AUTS2: variants seen among roughly 807,000 people sequenced by gnomAD.
AUTS2 encodes activator of transcription and developmental regulator AUTS2, also known as autism susceptibility gene 2 protein.
In AUTS2, 17 loss-of-function variants were observed where a neutral mutation model predicts 112.4. The ratio of observed to expected loss-of-function variants is 0.15; its 90% CI spans 0.10 to 0.23. The LOEUF is 0.23. Among genes scored for constraint, AUTS2 ranks in the 10% least tolerant of loss-of-function variants. The pLI is 1.00. For missense variants in AUTS2, 1,510 were observed against 1,701.6 expected (o/e 0.89, Z 1.98); for synonymous variants, 751 against 702.7 (o/e 1.07, Z -1.09).
chr7:70,141,037 A>G (rs759863251), intron 4 of AUTS2, among the ~76,000 whole-genome samples: 37 of 152,228 alleles, frequency 2.4e-4, no homozygotes, highest in Non-Finnish European at 3.7e-4. Context: ...ACTTGGAAGT[A>G]TAAAGGAGGG....
intron 6 of AUTS2, 86 bp from the exon 7 acceptor site, chr7:70,762,784 G>T (rs1481259489): frequency 1.0e-6 from 1 of 1,003,552 alleles, no homozygotes. Context: ...CTGGAGTTGT[G>T]TGATAGCCTT....
At chr7:70,114,724 C>T (rs560068736) in intron 2 of AUTS2, among the ~76,000 whole-genome samples, 180 of 152,006 alleles carry the variant, frequency 1.2e-3, no homozygotes, top group African/African-American at 4.1e-3. Flanking sequence ...TCGCTTGAAC[C>T]GGGGAGGCGG....
chr7:69,893,746 A>G (rs1400669371), intron 1 of AUTS2, among the ~76,000 whole-genome samples: 2 of 152,238 alleles, frequency 1.3e-5, no homozygotes, highest in African/African-American at 2.4e-5. Context: ...CAAGGCAGAC[A>G]AATTGTGCCC....
intron 5 of AUTS2, among the ~76,000 whole-genome samples, chr7:70,583,128 G>A (rs537108043): frequency 6.6e-5 from 10 of 152,314 alleles, no homozygotes; most frequent in East Asian, 1.9e-4. Context: ...CCTGCTGCCC[G>A]TGGATTAGCC....
At chr7:70,665,837 A>T (rs970486407) in intron 5 of AUTS2, among the ~76,000 whole-genome samples, 2 of 152,158 alleles carry the variant, frequency 1.3e-5, no homozygotes, top group Non-Finnish European at 2.9e-5. Flanking sequence ...GTATGCACAG[A>T]TTTTACTATA....
At chr7:69,838,923 A>G (rs954693942) in intron 1 of AUTS2, among the ~76,000 whole-genome samples, 2 of 152,186 alleles carry the variant, frequency 1.3e-5, no homozygotes, top group African/African-American at 2.4e-5. Flanking sequence ...AGTTAGGGAT[A>G]TGAGCTCCAG....
intron 6 of AUTS2, among the ~76,000 whole-genome samples, chr7:70,724,443 C>CT (rs71077675): frequency 0.19 from 19,539 of 101,144 alleles, 2,729 homozygotes; most frequent in East Asian, 0.3. Flanking sequence ...TTCATCCTGA[C>CT]TTTTTTTTTT....
intron 4 of AUTS2, among the ~76,000 whole-genome samples, chr7:70,148,902 CTATT>C (rs552635051): frequency 1.8e-4 from 28 of 152,144 alleles, no homozygotes; most frequent in South Asian, 4.1e-4. Flanking sequence ...TTACACAAAA[CTATT>C]TAAGCAAATG....
chr7:70,574,849 T>C (rs577871761), intron 5 of AUTS2, among the ~76,000 whole-genome samples: 1 of 152,270 alleles, frequency 6.6e-6, no homozygotes, highest in Admixed American at 6.5e-5. Flanking sequence ...CCACCACCAC[T>C]AGCCCTCTGT....
intron 4 of AUTS2, among the ~76,000 whole-genome samples, chr7:70,431,426 C>T (rs978159649): frequency 2.0e-5 from 3 of 152,178 alleles, no homozygotes; most frequent in African/African-American, 7.2e-5. Context: ...GACGAAGTCT[C>T]GCTCTGTTGC....
intron 4 of AUTS2, among the ~76,000 whole-genome samples, chr7:70,249,137 G>A (rs980949211): frequency 6.6e-6 from 1 of 152,072 alleles, no homozygotes; most frequent in Non-Finnish European, 1.5e-5. Flanking sequence ...TTATTTAATT[G>A]TTGCTTCCTT....
At chr7:70,243,231 TTGTGTGTGTGTGTGTG>T (rs3078161) in intron 4 of AUTS2, among the ~76,000 whole-genome samples, 1,739 of 131,746 alleles carry the variant, frequency 0.013, 48 homozygotes, top group East Asian at 0.1. Flanking sequence ...GAATGTATCC[TTGTGTGTGTGTGTGTG>T]TGTGTGTGTG....
At chr7:70,595,885 C>G (rs1250021236) in intron 5 of AUTS2, among the ~76,000 whole-genome samples, 1 of 152,210 alleles carries the variant, frequency 6.6e-6, no homozygotes, top group African/African-American at 2.4e-5. Context: ...GGTACTGAGC[C>G]GCGGGCTGCT....
chr7:70,628,946 A>G (rs1805110286), intron 5 of AUTS2, among the ~76,000 whole-genome samples: 1 of 152,098 alleles, frequency 6.6e-6, no homozygotes, highest in Non-Finnish European at 1.5e-5. Flanking sequence ...TGGGGATTCC[A>G]GCTGAATGTA....
intron 2 of AUTS2, among the ~76,000 whole-genome samples, chr7:70,111,610 A>G (rs907025278): frequency 3.3e-5 from 5 of 152,136 alleles, no homozygotes; most frequent in East Asian, 1.9e-4. Context: ...ATACTTTAAT[A>G]TATTATTAAA....
At chr7:70,337,076 C>G (rs1791024044) in intron 4 of AUTS2, among the ~76,000 whole-genome samples, 1 of 152,138 alleles carries the variant, frequency 6.6e-6, no homozygotes, top group African/African-American at 2.4e-5. Context: ...TCTCAAGTCT[C>G]CCTTCATCTC....
At chr7:70,031,694 T>G (rs920617874) in intron 2 of AUTS2, among the ~76,000 whole-genome samples, 2 of 152,154 alleles carry the variant, frequency 1.3e-5, no homozygotes, top group Non-Finnish European at 2.9e-5. Flanking sequence ...TCCTGCACAA[T>G]TGAGTGATGC....
chr7:69,637,433 A>G (rs914040797), intron 1 of AUTS2, among the ~76,000 whole-genome samples: 5 of 152,206 alleles, frequency 3.3e-5, no homozygotes, highest in African/African-American at 9.7e-5. Flanking sequence ...TGATTTTGCT[A>G]TTGCCCCTGA....
At chr7:69,978,859 A>AACACACACACGC (rs1798165979) in intron 2 of AUTS2, among the ~76,000 whole-genome samples, 1 of 129,644 alleles carries the variant, frequency 7.7e-6, no homozygotes, top group African/African-American at 3.0e-5. Flanking sequence ...TCAAAGAAAC[A>AACACACACACGC]ACACACACAC....
Sources: allele counts gnomAD v4.1 joint callset (sites outside exome capture counted in the v4.1 genomes callset), GRCh38; gene constraint gnomAD v4.1.1; transcripts MANE v1.5; gene names NCBI Gene and HGNC (gene_info 2026-07-23, HGNC 2026-07-21).